The following CWF19L2 variants were observed in gnomAD, a reference collection of about 807,000 sequenced individuals.
CWF19L2 encodes the protein CWF19-like protein 2.
In CWF19L2, 98 loss-of-function variants were observed where a neutral mutation model predicts 111.7. The ratio of observed to expected loss-of-function variants is 0.88; its 90% CI spans 0.75 to 1.04. The LOEUF (loss-of-function observed/expected upper bound fraction) is 1.04. Ranked by LOEUF, CWF19L2 falls within the 50% of genes least tolerant of loss-of-function variation. The pLI is 0.00. For missense variants in CWF19L2, 1,101 were observed against 1,051.4 expected, an observed-to-expected ratio of 1.05 and a Z score of -0.65; for synonymous variants, 351 against 342.9, an observed-to-expected ratio of 1.02 and a Z score of -0.26.
intron 2 of CWF19L2, among the ~76,000 whole-genome samples, chr11:107,454,944 T>C (rs1374740881): frequency 1.3e-5 from 2 of 152,026 alleles, no homozygotes; most frequent in Non-Finnish European, 2.9e-5. Context: ...TCCCCAAAAA[T>C]TTATACAAGA....
At chr11:107,361,832 G>A (rs573552843) in intron 12 of CWF19L2, among the ~76,000 whole-genome samples, 23 of 152,296 alleles carry the variant, frequency 1.5e-4, no homozygotes, top group African/African-American at 2.4e-4. Flanking sequence ...CAAGATGGCC[G>A]AACAGGAAGA....
rs1364390118 is a variant in CWF19L2, at chr11:107,367,811, AAAACTT to A, written c.1873-14081_1873-14076del. On this transcript the variant is annotated intron_variant, in intron 12 of 17. Coordinates refer to ENST00000282251, the MANE Select transcript of CWF19L2 (RefSeq NM_152434.3). ...CGTGCACAATGTGCACATGTACCCTAAAACTTAAAGTATAAAACAAAAAAAAAAGAA... is the reference window on the plus strand; with the variant it reads ...CGTGCACAATGTGCACATGTACCCTAAAAGTATAAAACAAAAAAAAAAGAA... 2.2e-5 allele frequency among the ~76,000 whole-genome samples: 3 copies of A among 136,084 alleles called. 1 individual carries two copies. The highest frequency in any genetic ancestry group is 8.8e-5 in the African/African-American group (3 of 33,910). The allele number at this position is 136,084 out of a possible 152,430, so 89.3% of individuals were successfully genotyped here. A position where few individuals can be genotyped will look rare whatever the true frequency, so the allele number is the denominator to read the frequency against.
chr11:107,414,307 C>T (rs1861196295), intron 10 of CWF19L2, among the ~76,000 whole-genome samples: 1 of 152,098 alleles, frequency 6.6e-6, no homozygotes, highest in East Asian at 1.9e-4. Context: ...AATCCTCCAC[C>T]TCAGCCTCCC....
At chr11:107,385,612 T>C (rs1020554344) in intron 12 of CWF19L2, among the ~76,000 whole-genome samples, 1 of 152,250 alleles carries the variant, frequency 6.6e-6, no homozygotes, top group Non-Finnish European at 1.5e-5. Flanking sequence ...CCCCTTTACC[T>C]GTGGTTTTAC....
chr11:107,403,491 T>C lies in CWF19L2; in HGVS notation c.1618-10596A>G, dbSNP rs556427961. The C allele has an allele frequency of 2.1e-5, 18 of 843,902 alleles. No individual in the cohort carries two copies. In the East Asian group the frequency reaches 4.4e-4, roughly 21 times the overall value. The allele number at this position is 843,902 out of a possible 1,614,324, so 52.3% of individuals were successfully genotyped here. ...TCTGAGCCAGTGTTACTATCACTGG[T>C]TCCTTCCTCTGCCATACTGTCAACC... On this transcript the variant is annotated intron_variant, in intron 10 of 17. Transcript: ENST00000282251.
chr11:107,432,603 A>T (rs1306961367), intron 7 of CWF19L2, among the ~76,000 whole-genome samples: 1 of 152,156 alleles, frequency 6.6e-6, no homozygotes, highest in Non-Finnish European at 1.5e-5. Flanking sequence ...TAAAATTCCA[A>T]TTCACCAGTA....
intron 10 of CWF19L2, among the ~76,000 whole-genome samples, chr11:107,406,877 C>T (rs1024736272): frequency 2.0e-5 from 3 of 151,470 alleles, no homozygotes; most frequent in Non-Finnish European, 2.9e-5. Flanking sequence ...TTACTATTGG[C>T]TAATGCCACA....
rs372292815 is a variant in CWF19L2, at chr11:107,361,909, G to A, written c.1873-8173C>T. On this transcript the variant is annotated intron_variant, in intron 12 of 17. Transcript: ENST00000282251. ...GGTGATTTGTGCATTTCCATCTGAGGTACCGGGTTCATCTCACTAGGGAGT... is the reference window on the plus strand; with the variant it reads ...GGTGATTTGTGCATTTCCATCTGAGATACCGGGTTCATCTCACTAGGGAGT... Among the ~76,000 whole-genome samples, 19 of 152,284 alleles carry A rather than the reference G, an allele frequency of 1.2e-4. No individual in the cohort carries two copies. The East Asian group carries it at 3.7e-3, about 29-fold the overall frequency.
At chr11:107,359,426 A>G (rs1463573661) in intron 12 of CWF19L2, among the ~76,000 whole-genome samples, 2 of 152,300 alleles carry the variant, frequency 1.3e-5, no homozygotes, top group Admixed American at 1.3e-4. Flanking sequence ...GGGCTGGGCT[A>G]TGTCTTCCAG....
chr11:107,375,437 C>G (rs1246511218), intron 12 of CWF19L2, among the ~76,000 whole-genome samples: 1 of 139,146 alleles, frequency 7.2e-6, no homozygotes, highest in African/African-American at 2.8e-5. Context: ...GACCACAGTG[C>G]AATCAAACTA....
chr11:107,379,458 G>C (rs1380468615), intron 12 of CWF19L2, among the ~76,000 whole-genome samples: 1 of 152,250 alleles, frequency 6.6e-6, no homozygotes, highest in Non-Finnish European at 1.5e-5. Context: ...CGCTAAGGCT[G>C]TGAAGCCATG....
rs577132945 is a variant in CWF19L2 at position 107,400,249 on chromosome 11, A to AAACC, written c.1618-7358_1618-7355dup. Reference sequence around the variant, plus strand: ...AGAACTAAATGAAATTGAAAAAAACAAACCAACCACAAAAGATAAATGAAA... The same window carrying AAACC: ...AGAACTAAATGAAATTGAAAAAAACAAACCAACCAACCACAAAAGATAAATGAAA... On this transcript the variant is annotated intron_variant, in intron 10 of 17. Transcript: ENST00000282251. Among the ~76,000 whole-genome samples the AAACC allele has an allele frequency of 2.4e-3, 368 of 151,660 alleles. 3 individuals are homozygous for AAACC. The East Asian group carries it at 0.043, about 18-fold the overall frequency.
At chr11:107,424,854 G>T (rs1359453652) in intron 8 of CWF19L2, among the ~76,000 whole-genome samples, 3 of 151,826 alleles carry the variant, frequency 2.0e-5, no homozygotes, top group Non-Finnish European at 4.4e-5. Context: ...TAGGTGTCAA[G>T]TAAAGACATT....
intron 12 of CWF19L2, among the ~76,000 whole-genome samples, chr11:107,359,260 T>C (rs1290244669): frequency 6.6e-6 from 1 of 152,198 alleles, no homozygotes; most frequent in African/African-American, 2.4e-5. Flanking sequence ...TGCTTTCTTC[T>C]TACTGGAATA....
At chr11:107,356,503 T>C (rs1350059999) in intron 12 of CWF19L2, among the ~76,000 whole-genome samples, 3 of 152,238 alleles carry the variant, frequency 2.0e-5, no homozygotes, top group African/African-American at 4.8e-5. Flanking sequence ...TTAGTCCTTG[T>C]ATACTTCTTG....
intron 6 of CWF19L2, among the ~76,000 whole-genome samples, chr11:107,438,848 G>C (rs1284956261): frequency 6.6e-6 from 1 of 152,078 alleles, no homozygotes; most frequent in Non-Finnish European, 1.5e-5. Flanking sequence ...AGGAGTTCAA[G>C]ACTAGGCTGG....
In CWF19L2 at chr11:107,336,670, A is replaced by C. The variant is rs1859929355; in HGVS notation, c.2246T>G (p.Leu749Ter). ...SLVKMFEDKG[L>*]DCIFLETNMS... ...ATTAGTTTCCAAAAAAATGCAGTCT[A>C]ATCCTTTATCTTCAAACATCTTTAC... The change falls in exon 15 of 18, where the codon TTA (leucine) becomes TGA (stop). Residue 749 changes from leucine (L) to a stop codon, truncating the protein, a stop_gained. Transcript: ENST00000282251. LOFTEE classifies it high-confidence loss of function. 2 of 1,564,986 alleles carry C rather than the reference A, an allele frequency of 1.3e-6. No individual in the cohort carries two copies. Among genetic ancestry groups the C allele is most frequent in the African/African-American group, 1.4e-5 (1 of 73,142 alleles).
intron 12 of CWF19L2, among the ~76,000 whole-genome samples, chr11:107,359,889 G>A (rs1860297620): frequency 6.6e-6 from 1 of 152,196 alleles, no homozygotes; most frequent in South Asian, 2.1e-4. Flanking sequence ...CATTGTATTG[G>A]CTGAAGCCAC....
At chr11:107,442,829 GGAGA>G (rs1861648387) in intron 4 of CWF19L2, 106 bp downstream of exon 4, 5 of 497,920 alleles carry the variant, frequency 1.0e-5, no homozygotes, top group African/African-American at 2.7e-5. Context: ...GGGGAGGGAG[GGAGA>G]GAGGGACAGA....
Sources: allele counts gnomAD v4.1 joint callset (sites outside exome capture counted in the v4.1 genomes callset), GRCh38; gene constraint gnomAD v4.1.1; transcripts MANE v1.5; gene names NCBI Gene and HGNC (gene_info 2026-07-23, HGNC 2026-07-21).